The following WWOX variants were observed in gnomAD, a reference collection of about 807,000 sequenced individuals.
WWOX encodes the protein WW domain-containing oxidoreductase.
In WWOX, 69 loss-of-function variants were observed where a neutral mutation model predicts 46.2. That is an observed-to-expected ratio of 1.49 (90% CI 1.23 to 1.82). The LOEUF is 1.82. Among genes scored for constraint, WWOX ranks in the 40% most tolerant of loss-of-function variants. The pLI, the probability that WWOX is intolerant of heterozygous loss-of-function variation, is 0.00. For missense variants in WWOX, 919 were observed against 542.6 expected (o/e 1.69, Z -6.89); for synonymous variants, 359 against 202.6 (o/e 1.77, Z -6.56).
At chr16:78,416,972 C>T (rs561947687) in intron 6 of WWOX, among the ~76,000 whole-genome samples, 2 of 151,792 alleles carry the variant, frequency 1.3e-5, no homozygotes, top group South Asian at 2.1e-4. Flanking sequence ...TGGTTCTGTC[C>T]ATTTCAGGGA....
intron 8 of WWOX, among the ~76,000 whole-genome samples, chr16:78,571,272 T>C (rs973102840): frequency 6.6e-6 from 1 of 152,120 alleles, no homozygotes; most frequent in East Asian, 1.9e-4. Flanking sequence ...AGTAATGGTT[T>C]AGAAAGGTAA....
rs2051232796 is a variant in WWOX, at chr16:79,196,019, A to G, written c.1057-15589A>G. The stretch of plus-strand genomic sequence containing the variant: ...GACAATAATACTACTAATTTCTAGT[A>G]CTGACGCTTCTCATGCAATTTAATC... On this transcript the variant is annotated intron_variant, in intron 8 of 8. Transcript: ENST00000566780. Among the ~76,000 whole-genome samples, 3 of 152,340 alleles carry G rather than the reference A, an allele frequency of 2.0e-5. No homozygotes were observed. The South Asian group carries it at 6.2e-4, about 32-fold the overall frequency.
At chr16:78,957,999 T>C (rs900713317) in intron 8 of WWOX, among the ~76,000 whole-genome samples, 5 of 152,360 alleles carry the variant, frequency 3.3e-5, no homozygotes, top group Admixed American at 2.6e-4. Context: ...TTAATGCGTT[T>C]CTACATTTTC....
chr16:78,427,534 G>GCACA (rs1285820421), intron 7 of WWOX, among the ~76,000 whole-genome samples: 1 of 150,346 alleles, frequency 6.7e-6, no homozygotes, highest in Non-Finnish European at 1.5e-5. Flanking sequence ...ACACATACAC[G>GCACA]CACGCACGCA....
At chr16:78,847,059 G>C (rs2052317811) in intron 8 of WWOX, among the ~76,000 whole-genome samples, 1 of 152,160 alleles carries the variant, frequency 6.6e-6, no homozygotes, top group East Asian at 1.9e-4. Flanking sequence ...GTTCTTTTTT[G>C]AGCACTTTCT....
chr16:79,058,921 A>T (rs1373451312), intron 8 of WWOX, among the ~76,000 whole-genome samples: 2 of 152,254 alleles, frequency 1.3e-5, no homozygotes, highest in Admixed American at 6.5e-5. Flanking sequence ...TGGACATGTC[A>T]AAATCTAGAA....
intron 8 of WWOX, among the ~76,000 whole-genome samples, chr16:78,635,207 G>A (rs558708652): frequency 6.6e-6 from 1 of 152,280 alleles, no homozygotes; most frequent in Admixed American, 6.5e-5. Flanking sequence ...GCTGGGGTCT[G>A]GCTCTGGGCT....
intron 5 of WWOX, among the ~76,000 whole-genome samples, chr16:78,174,958 A>AT (rs2035284268): frequency 6.6e-6 from 1 of 151,504 alleles, no homozygotes; most frequent in South Asian, 2.1e-4. Flanking sequence ...ACTGCACTCC[A>AT]ATCTGGGTGA....
At chr16:78,334,833 TACACACAC>T (rs907694061) in intron 5 of WWOX, among the ~76,000 whole-genome samples, 1 of 104,454 alleles carries the variant, frequency 9.6e-6, no homozygotes, top group East Asian at 6.3e-4. Flanking sequence ...CACACACACA[TACACACAC>T]ACACACACAC....
At chr16:78,503,340 A>G (rs1342478409) in intron 8 of WWOX, among the ~76,000 whole-genome samples, 1 of 152,150 alleles carries the variant, frequency 6.6e-6, no homozygotes, top group Non-Finnish European at 1.5e-5. Context: ...GTACCTTCCA[A>G]CTGTTCCACT....
intron 8 of WWOX, chr16:78,896,997 G>C (rs1234380753): frequency 6.6e-6 from 1 of 151,674 alleles, no homozygotes; most frequent in East Asian, 1.9e-4. Context: ...GGAGGCTGAG[G>C]AGGGTGGACC....
intron 8 of WWOX, among the ~76,000 whole-genome samples, chr16:78,796,196 G>C (rs531795128): frequency 3.3e-5 from 5 of 152,134 alleles, no homozygotes; most frequent in Non-Finnish European, 7.3e-5. Flanking sequence ...TAGAACTGTC[G>C]TTGATTGCTT....
intron 8 of WWOX, among the ~76,000 whole-genome samples, chr16:78,537,782 T>C (rs2043794604): frequency 6.6e-6 from 1 of 152,022 alleles, no homozygotes; most frequent in Admixed American, 6.6e-5. Context: ...TGTCTGGATT[T>C]GAAAGGGAGG....
chr16:79,027,286 A>AAG (rs2047665034), intron 8 of WWOX, among the ~76,000 whole-genome samples: 1 of 151,104 alleles, frequency 6.6e-6, no homozygotes, highest in African/African-American at 2.5e-5. Flanking sequence ...TCTCAAAAAA[A>AAG]AAAAAAAAGG....
intron 8 of WWOX, among the ~76,000 whole-genome samples, chr16:79,066,101 C>A (rs1336454754): frequency 6.6e-6 from 1 of 152,166 alleles, no homozygotes; most frequent in Non-Finnish European, 1.5e-5. Flanking sequence ...CTCCTGTCTC[C>A]TGCTTTTTCT....
chr16:78,101,257 C>T (rs2031759882), intron 1 of WWOX, among the ~76,000 whole-genome samples: 1 of 150,286 alleles, frequency 6.7e-6, no homozygotes, highest in African/African-American at 2.4e-5. Context: ...CCGTGTTAGC[C>T]AGGATGGTCT....
At chr16:78,169,473 G>A (rs2035079270) in intron 5 of WWOX, among the ~76,000 whole-genome samples, 1 of 82,010 alleles carries the variant, frequency 1.2e-5, no homozygotes, top group African/African-American at 5.4e-5. Flanking sequence ...CAGGACCTCT[G>A]AGATCTCAGG....
At position 78,369,768 on chromosome 16, in the gene WWOX, C is replaced by T. The variant is rs191276754; in HGVS notation, c.517-17092C>T. On this transcript the variant is annotated intron_variant, in intron 5 of 8. Transcript: ENST00000566780. The stretch of plus-strand genomic sequence containing the variant: ...CCAACAAATACGTTGCTTGTGGATA[C>T]AGTTGTGTATAGTAATGTGTATGGT... 2.2e-3 allele frequency among the ~76,000 whole-genome samples: 336 copies of T among 152,028 alleles called. 3 individuals carry two copies. Among genetic ancestry groups the T allele is most frequent in the African/African-American group, 7.8e-3 (322 of 41,454 alleles).
intron 8 of WWOX, among the ~76,000 whole-genome samples, chr16:78,801,014 C>T (rs1329434484): frequency 6.6e-6 from 1 of 151,828 alleles, no homozygotes; most frequent in Non-Finnish European, 1.5e-5. Flanking sequence ...TTATTTCATG[C>T]TCCACTTTTC....
Sources: gnomAD v4.1 joint callset for allele counts (sites outside exome capture counted in the v4.1 genomes callset) on GRCh38, gnomAD v4.1.1 for gene constraint, MANE v1.5 for transcripts, NCBI Gene and HGNC (gene_info 2026-07-23, HGNC 2026-07-21) for gene names.